Variants in FLT1 observed in about 807,000 individuals in gnomAD.
FLT1 encodes the protein fms related receptor tyrosine kinase 1, also known as vascular endothelial growth factor receptor 1.
In FLT1, 49 loss-of-function variants were observed where a neutral mutation model predicts 156.3. That is an observed-to-expected ratio of 0.31 (90% CI 0.25 to 0.40). FLT1 has a LOEUF of 0.40. FLT1 is among the 10% of genes least tolerant of loss of function. The pLI, the probability that FLT1 is intolerant of heterozygous loss-of-function variation, is 1.00. For synonymous variants in FLT1, 594 were observed against 583.8 expected, an observed-to-expected ratio of 1.02 and a Z score of -0.25; for missense variants, 1,322 against 1,637.2, an observed-to-expected ratio of 0.81 and a Z score of 3.32.
chr13:28,346,488 G>A (rs1872570398), intron 15 of FLT1, among the ~76,000 whole-genome samples: 1 of 152,006 alleles, frequency 6.6e-6, no homozygotes, highest in African/African-American at 2.4e-5. Flanking sequence ...GGGAGGCTAA[G>A]GAGGGAAGAT....
rs187121796 is a variant in FLT1 at position 28,476,481 on chromosome 13, G to C, written c.65-8864C>G. Among the ~76,000 whole-genome samples, 12 of 152,298 alleles carry C rather than the reference G, an allele frequency of 7.9e-5. No individual in the cohort carries two copies. The East Asian group carries it at 2.3e-3, about 29-fold the overall frequency. The stretch of plus-strand genomic sequence containing the variant: ...TTTAAGGTCCACAATAGGACTGAAT[G>C]TTTAGGCAGCTGCTGTCCAGCAACA... On this transcript the variant is annotated intron_variant, in intron 1 of 29. Coordinates refer to ENST00000282397, the MANE Select transcript of FLT1 (RefSeq NM_002019.4).
intron 17 of FLT1, among the ~76,000 whole-genome samples, chr13:28,336,793 G>C (rs1415672444): frequency 6.7e-6 from 1 of 148,490 alleles, no homozygotes; most frequent in Non-Finnish European, 1.5e-5. Context: ...TGTTGCCCAG[G>C]CCGGAGTGCC....
chr13:28,412,307 C>CTCTTTCTTTCTT lies in FLT1; in HGVS notation c.1437-6425_1437-6414dup, dbSNP rs958476857. Among the ~76,000 whole-genome samples the CTCTTTCTTTCTT allele has an allele frequency of 1.1e-3, 57 of 53,630 alleles. 4 individuals are homozygous for CTCTTTCTTTCTT. The highest frequency in any genetic ancestry group is 2.6e-3 in the African/African-American group (55 of 20,920). The allele number at this position is 53,630 out of a possible 152,430, so 35.2% of individuals were successfully genotyped here. The stretch of plus-strand genomic sequence containing the variant: ...CCCCCTTCTCTTTCTTTTTCTCTTT[C>CTCTTTCTTTCTT]TCTTTCTTTCTTTCTTTCTTTCTTT... On this transcript the variant is annotated intron_variant, in intron 10 of 29. Coordinates refer to ENST00000282397, the MANE Select transcript of FLT1 (RefSeq NM_002019.4).
At chr13:28,315,460 G>T (rs1871159865) in intron 25 of FLT1, among the ~76,000 whole-genome samples, 1 of 152,082 alleles carries the variant, frequency 6.6e-6, no homozygotes, top group African/African-American at 2.4e-5. Context: ...GTAGGCTGAG[G>T]AAAAAGAATG....
intron 19 of FLT1, 80 bp downstream of exon 19, chr13:28,329,535 G>C (rs1213486947): frequency 9.9e-7 from 1 of 1,005,984 alleles, no homozygotes; most frequent in African/African-American, 1.6e-5. Context: ...CAGTGCGGGG[G>C]AGAAGGAGCT....
At chr13:28,364,517 A>C (rs1873217890) in intron 14 of FLT1, among the ~76,000 whole-genome samples, 1 of 152,216 alleles carries the variant, frequency 6.6e-6, no homozygotes, top group South Asian at 2.1e-4. Context: ...CTTTCTTCAT[A>C]AAATCTGTTT....
intron 8 of FLT1, among the ~76,000 whole-genome samples, chr13:28,429,284 G>C (rs1877535227): frequency 6.6e-6 from 1 of 152,102 alleles, no homozygotes; most frequent in African/African-American, 2.4e-5. Context: ...AATCAGCTCT[G>C]GTTAGGGAGA....
intron 14 of FLT1, among the ~76,000 whole-genome samples, chr13:28,376,146 G>A (rs1402940384): frequency 6.6e-6 from 1 of 152,126 alleles, no homozygotes; most frequent in Non-Finnish European, 1.5e-5. Flanking sequence ...TAGGTACTAG[G>A]ATCTGAATAT....
At chr13:28,467,665 C>T in intron 1 of FLT1, 48 bp from the exon 2 acceptor site, 1 of 1,056,866 alleles carries the variant, frequency 9.5e-7, no homozygotes, top group Non-Finnish European at 1.4e-6. Context: ...TGTCTTCTTA[C>T]CTTTTTTTAA....
chr13:28,336,165 G>A (rs779180732), intron 17 of FLT1, among the ~76,000 whole-genome samples: 21 of 152,150 alleles, frequency 1.4e-4, no homozygotes, highest in Admixed American at 2.0e-4. Flanking sequence ...CGTCTTAGCC[G>A]TCACAACACA....
intron 12 of FLT1, among the ~76,000 whole-genome samples, chr13:28,393,643 G>A (rs1360670228): frequency 2.6e-5 from 4 of 152,194 alleles, no homozygotes; most frequent in African/African-American, 4.8e-5. Context: ...CTGGAGCATG[G>A]TGGTGCCATC....
Position 28,302,168 on chromosome 13 carries a change from T to C in FLT1, c.*999A>G, listed in dbSNP as rs1233353904. ...CCTCAGGACTGCATTTTCATTCTTC[T>C]CAGCTTTCTTTCACAACTAACTGTG... On this transcript the variant is annotated 3_prime_UTR_variant, in exon 30 of 30. Transcript: ENST00000282397. 3 of 233,150 alleles carry C rather than the reference T, an allele frequency of 1.3e-5. No homozygotes were observed. The highest frequency in any genetic ancestry group is 5.6e-5 in the Admixed American group (1 of 17,776). 14.4% of individuals were successfully genotyped at this position (233,150 alleles called of 1,614,324 possible). A position where few individuals can be genotyped will look rare whatever the true frequency, so the allele number is the denominator to read the frequency against.
intron 14 of FLT1, among the ~76,000 whole-genome samples, chr13:28,369,963 G>T (rs1440581958): frequency 6.6e-6 from 1 of 152,160 alleles, no homozygotes; most frequent in Non-Finnish European, 1.5e-5. Context: ...ACTTTGGGAG[G>T]TAGAGGCAGG....
At chr13:28,451,206 T>C (rs1878915289) in intron 3 of FLT1, among the ~76,000 whole-genome samples, 1 of 152,186 alleles carries the variant, frequency 6.6e-6, no homozygotes, top group Non-Finnish European at 1.5e-5. Flanking sequence ...GAGGACTGCC[T>C]GAGCTCAGGA....
intron 3 of FLT1, among the ~76,000 whole-genome samples, chr13:28,463,844 G>A (rs906843968): frequency 3.3e-5 from 5 of 152,180 alleles, no homozygotes; most frequent in East Asian, 1.9e-4. Context: ...TAGACTCCTC[G>A]GAAAAGTTAT....
At chr13:28,353,888 C>G (rs1393036561) in intron 15 of FLT1, among the ~76,000 whole-genome samples, 1 of 152,158 alleles carries the variant, frequency 6.6e-6, no homozygotes, top group African/African-American at 2.4e-5. Context: ...AAAAATAACA[C>G]ATTGTTTTAT....
rs548386155 is a variant in FLT1 at position 28,419,811 on chromosome 13, G to A, written c.1436+7348C>T. On this transcript the variant is annotated intron_variant, in intron 10 of 29. Coordinates refer to ENST00000282397, the MANE Select transcript of FLT1 (RefSeq NM_002019.4). ...GGAGAATCACTTGAACCCAGGAGGC[G>A]GAGGTTGCAGTGAGCCGAGATCGTG... 3.9e-5 allele frequency among the ~76,000 whole-genome samples: 6 copies of A among 152,278 alleles called. No individual in the cohort carries two copies. In the South Asian group the frequency reaches 6.2e-4, roughly 16 times the overall value.
intron 10 of FLT1, among the ~76,000 whole-genome samples, chr13:28,414,944 C>T (rs1376597896): frequency 6.6e-6 from 1 of 152,174 alleles, no homozygotes; most frequent in Non-Finnish European, 1.5e-5. Flanking sequence ...ACCATCAGCA[C>T]CTCTCCATTT....
At chr13:28,454,352 G>A (rs1879143704) in intron 3 of FLT1, among the ~76,000 whole-genome samples, 1 of 152,140 alleles carries the variant, frequency 6.6e-6, no homozygotes, top group Non-Finnish European at 1.5e-5. Flanking sequence ...TCAAAAAATG[G>A]TAATAATGAG....
Sources: gnomAD v4.1 joint callset for allele counts (sites outside exome capture counted in the v4.1 genomes callset) on GRCh38, gnomAD v4.1.1 for gene constraint, MANE v1.5 for transcripts, NCBI Gene and HGNC (gene_info 2026-07-23, HGNC 2026-07-21) for gene names.